The following ADARB2 variants were observed in gnomAD, a reference collection of about 807,000 sequenced individuals.
ADARB2 encodes adenosine deaminase RNA specific B2 (inactive).
A neutral mutation model predicts 62.2 loss-of-function variants in ADARB2; 25 were observed. The ratio of observed to expected loss-of-function variants is 0.40; its 90% CI spans 0.29 to 0.56. The LOEUF is 0.56. Among genes scored for constraint, ADARB2 ranks in the 20% least tolerant of loss-of-function variants. ADARB2 has a pLI of 0.43. For synonymous variants in ADARB2, 572 were observed against 500.8 expected (o/e 1.14, Z -1.90); for missense variants, 1,071 against 1,077.4 (o/e 0.99, Z 0.08).
chr10:1,363,361 G>A lies in ADARB2; in HGVS notation c.744C>T (p.Ser248=). The change falls in exon 3 of 10, where the codon TCC becomes TCT. Residue 248 remains serine (S), a synonymous_variant. Transcript: ENST00000381312. ...GGRPGDAALL[S]AAYGRRRLLC... ...GCAGCCGCCGTCGCCCGTAGGCCGC[G>A]GACAGAAGCGCGGCGTCCCCGGGGC... The A allele has an allele frequency of 3.4e-5, 44 of 1,302,292 alleles. No homozygotes were observed. Among genetic ancestry groups the A allele is most frequent in the Non-Finnish European group, 4.2e-5 (43 of 1,025,772 alleles). 80.7% of individuals were successfully genotyped at this position (1,302,292 alleles called of 1,614,324 possible). A position where few individuals can be genotyped will look rare whatever the true frequency, so the allele number is the denominator to read the frequency against.
intron 4 of ADARB2, among the ~76,000 whole-genome samples, chr10:1,266,033 C>T (rs1478192324): frequency 3.8e-5 from 5 of 131,352 alleles, no homozygotes; most frequent in Non-Finnish European, 6.5e-5. Context: ...GGCCCAGGGT[C>T]CCCCGGAAGA....
chr10:1,509,417 C>T (rs755113487), intron 1 of ADARB2, among the ~76,000 whole-genome samples: 4 of 152,128 alleles, frequency 2.6e-5, no homozygotes, highest in African/African-American at 7.2e-5. Flanking sequence ...AAGAAGCCCT[C>T]GGGGGTTCGT....
intron 3 of ADARB2, among the ~76,000 whole-genome samples, chr10:1,312,454 T>C (rs1448853659): frequency 6.6e-6 from 1 of 152,232 alleles, no homozygotes; most frequent in Non-Finnish European, 1.5e-5. Context: ...ACATTTTGGC[T>C]TCAACACTGA....
At chr10:1,304,028 T>G (rs1000442749) in intron 3 of ADARB2, among the ~76,000 whole-genome samples, 1 of 151,956 alleles carries the variant, frequency 6.6e-6, no homozygotes, top group Non-Finnish European at 1.5e-5. Flanking sequence ...ATAACACTAT[T>G]AACTTTAAAT....
At chr10:1,718,287 A>G (rs973343090) in intron 1 of ADARB2, among the ~76,000 whole-genome samples, 1 of 152,134 alleles carries the variant, frequency 6.6e-6, no homozygotes, top group African/African-American at 2.4e-5. Flanking sequence ...CCCACTCTCC[A>G]TGTTCCTTGC....
intron 3 of ADARB2, among the ~76,000 whole-genome samples, chr10:1,313,595 A>G (rs980680295): frequency 1.4e-4 from 21 of 152,144 alleles, no homozygotes; most frequent in African/African-American, 4.6e-4. Flanking sequence ...ACCTCCTGGG[A>G]TAACAGGGGA....
chr10:1,445,409 C>T (rs1208412701), intron 1 of ADARB2, among the ~76,000 whole-genome samples: 1 of 151,354 alleles, frequency 6.6e-6, no homozygotes, highest in Non-Finnish European at 1.5e-5. Context: ...CCATCTACAT[C>T]CATCCATCCT....
intron 1 of ADARB2, among the ~76,000 whole-genome samples, chr10:1,436,672 C>T (rs1481386704): frequency 6.6e-6 from 1 of 152,160 alleles, no homozygotes; most frequent in African/African-American, 2.4e-5. Context: ...CAATTTCCCT[C>T]GGGGAGAAGC....
chr10:1,362,000 A>T (rs1832262092), intron 3 of ADARB2, among the ~76,000 whole-genome samples: 1 of 152,258 alleles, frequency 6.6e-6, no homozygotes, highest in Non-Finnish European at 1.5e-5. Context: ...AGAAAAGATA[A>T]TTTGCATAAA....
chr10:1,723,817 GA>G (rs1171613908), intron 1 of ADARB2, among the ~76,000 whole-genome samples: 1 of 152,194 alleles, frequency 6.6e-6, no homozygotes, highest in Admixed American at 6.5e-5. Context: ...AACCTAATCA[GA>G]GGTTAGTTCA....
chr10:1,287,022 C>T (rs984716816), intron 3 of ADARB2, among the ~76,000 whole-genome samples: 13 of 152,188 alleles, frequency 8.5e-5, no homozygotes, highest in African/African-American at 2.7e-4. Context: ...TTAAAGGGTA[C>T]ATTTTGATAC....
chr10:1,551,155 CAGA>C (rs1301940334), intron 1 of ADARB2, among the ~76,000 whole-genome samples: 1 of 152,110 alleles, frequency 6.6e-6, no homozygotes, highest in Non-Finnish European at 1.5e-5. Context: ...CAGACACACA[CAGA>C]AGGAGGACCC....
Position 1,191,885 on chromosome 10 carries a change from C to T in ADARB2, c.1865-6846G>A, listed in dbSNP as rs571837738. Among the ~76,000 whole-genome samples, 6 of 152,322 alleles carry T rather than the reference C, an allele frequency of 3.9e-5. No homozygotes were observed. The East Asian group carries it at 1.2e-3, about 29-fold the overall frequency. On this transcript the variant is annotated intron_variant, in intron 8 of 9. Coordinates refer to ENST00000381312, the MANE Select transcript of ADARB2 (RefSeq NM_018702.4). ...AAGCTGGACTCACTTCTGTGACATA[C>T]TGGCAGTGTGGCTTCCGACAAGTGA...
At chr10:1,322,165 T>C (rs997366371) in intron 3 of ADARB2, among the ~76,000 whole-genome samples, 4 of 152,126 alleles carry the variant, frequency 2.6e-5, no homozygotes, top group South Asian at 2.1e-4. Context: ...CCCTTGAAGC[T>C]TGGTGAGAGG....
At chr10:1,554,581 C>T (rs1052699121) in intron 1 of ADARB2, among the ~76,000 whole-genome samples, 1 of 152,190 alleles carries the variant, frequency 6.6e-6, no homozygotes, top group Middle Eastern at 3.4e-3. Context: ...GATGGCTTCC[C>T]TTCATTCTCC....
intron 1 of ADARB2, among the ~76,000 whole-genome samples, chr10:1,610,568 C>T (rs1417953415): frequency 6.6e-6 from 1 of 152,222 alleles, no homozygotes; most frequent in Non-Finnish European, 1.5e-5. Flanking sequence ...GGGTCCTCAT[C>T]CAGCACCAGC....
chr10:1,298,428 G>C (rs1831543220), intron 3 of ADARB2, among the ~76,000 whole-genome samples: 1 of 152,148 alleles, frequency 6.6e-6, no homozygotes, highest in Admixed American at 6.5e-5. Flanking sequence ...GTTGTCTATT[G>C]AAAGTGAGGT....
At chr10:1,505,181 A>G (rs1365849950) in intron 1 of ADARB2, among the ~76,000 whole-genome samples, 1 of 151,820 alleles carries the variant, frequency 6.6e-6, no homozygotes, top group East Asian at 1.9e-4. Context: ...ACACAAACAC[A>G]CAGGCACCGA....
At chr10:1,247,545 T>G (rs1447990279) in intron 4 of ADARB2, among the ~76,000 whole-genome samples, 1 of 152,078 alleles carries the variant, frequency 6.6e-6, no homozygotes, top group African/African-American at 2.4e-5. Context: ...CCGATTTAAT[T>G]TGGGGGAAAG....
Sources: allele counts gnomAD v4.1 joint callset (sites outside exome capture counted in the v4.1 genomes callset), GRCh38; gene constraint gnomAD v4.1.1; transcripts MANE v1.5; gene names NCBI Gene and HGNC (gene_info 2026-07-23, HGNC 2026-07-21).